NFIA: variants seen among roughly 807,000 people sequenced by gnomAD.
NFIA encodes nuclear factor I A, also known as nuclear factor 1 A-type.
Under a neutral mutation model 62.8 loss-of-function variants are expected in NFIA, and 8 were observed. The observed-to-expected ratio is 0.13, with a 90% CI of 0.07 to 0.23. NFIA has a LOEUF of 0.23. Ranked by LOEUF, NFIA falls within the 10% of genes least tolerant of loss-of-function variation. The probability of loss-of-function intolerance (pLI) is 1.00; values close to 1 mark genes in which losing one functional copy is unlikely to be tolerated. For missense variants in NFIA, 410 were observed against 642.1 expected, an observed-to-expected ratio of 0.64 and a Z score of 3.91; for synonymous variants, 235 against 238.1, an observed-to-expected ratio of 0.99 and a Z score of 0.12.
intron 2 of NFIA, among the ~76,000 whole-genome samples, chr1:61,178,061 A>G (rs575159940): frequency 1.3e-5 from 2 of 152,236 alleles, no homozygotes; most frequent in South Asian, 4.1e-4. Context: ...ACTTTTGCCC[A>G]CTTCCCCTAG....
At chr1:61,372,911 G>A (rs1230974134) in intron 6 of NFIA, among the ~76,000 whole-genome samples, 1 of 152,108 alleles carries the variant, frequency 6.6e-6, no homozygotes, top group African/African-American at 2.4e-5. Flanking sequence ...GAAGTTTTCT[G>A]CATTAAATAA....
At chr1:61,255,485 C>T (rs959366085) in intron 2 of NFIA, among the ~76,000 whole-genome samples, 12 of 152,012 alleles carry the variant, frequency 7.9e-5, no homozygotes, top group South Asian at 6.2e-4. Context: ...GGCATAAGTC[C>T]GAATTTAGAA....
At chr1:61,431,048 T>C (rs1667079161) in intron 10 of NFIA, among the ~76,000 whole-genome samples, 1 of 152,112 alleles carries the variant, frequency 6.6e-6, no homozygotes, top group Non-Finnish European at 1.5e-5. Flanking sequence ...CTCTGGGGCA[T>C]ACAGTATTTA....
chr1:61,165,338 T>C (rs1164333700), intron 2 of NFIA, among the ~76,000 whole-genome samples: 2 of 152,090 alleles, frequency 1.3e-5, no homozygotes, highest in Admixed American at 1.3e-4. Flanking sequence ...ATCTGTATAC[T>C]TAACTCAGAC....
intron 2 of NFIA, among the ~76,000 whole-genome samples, chr1:61,230,714 C>T (rs1654622127): frequency 6.6e-6 from 1 of 152,166 alleles, no homozygotes; most frequent in South Asian, 2.1e-4. Context: ...CTCTCCTCAC[C>T]CGCATCCCGT....
intron 3 of NFIA, among the ~76,000 whole-genome samples, chr1:61,282,174 G>A (rs1035098482): frequency 6.6e-6 from 1 of 151,454 alleles, no homozygotes; most frequent in Non-Finnish European, 1.5e-5. Context: ...CTTCCTGCCC[G>A]CCCCCACCCC....
chr1:61,082,108 C>T (rs1646104873), upstream of NFIA: 8 of 1,421,838 alleles, frequency 5.6e-6, no homozygotes, highest in Non-Finnish European at 5.7e-6. Context: ...GTTTTGTTTG[C>T]TTAAGCACAT....
intron 3 of NFIA, among the ~76,000 whole-genome samples, chr1:61,283,581 C>CAAAAAAAAAAAAAAAAAAAAA (rs576613886): frequency 3.0e-4 from 11 of 36,694 alleles, no homozygotes; most frequent in East Asian, 1.8e-3. Context: ...GACTCTGTCT[C>CAAAAAAAAAAAAAAAAAAAAA]AAAAAAAAAA....
At position 61,210,269 on chromosome 1, in the gene NFIA, A is replaced by C. The variant is rs138392814; in HGVS notation, c.560-67251A>C. Reference sequence around the variant, plus strand: ...GTTGGTAAGCTCAAAAGAAATCTTCACATTGCCCCTGTGATAGGTAGCAAA... The same window carrying C: ...GTTGGTAAGCTCAAAAGAAATCTTCCCATTGCCCCTGTGATAGGTAGCAAA... On this transcript the variant is annotated intron_variant, in intron 2 of 10. Transcript: ENST00000403491. 3.3e-5 allele frequency among the ~76,000 whole-genome samples: 5 copies of C among 152,372 alleles called. No homozygotes were observed. In the East Asian group the frequency reaches 9.6e-4, roughly 29 times the overall value.
chr1:61,106,100 C>CATCCATCTATCT (rs374045804), intron 2 of NFIA, among the ~76,000 whole-genome samples: 2 of 149,046 alleles, frequency 1.3e-5, no homozygotes, highest in African/African-American at 2.5e-5. Context: ...CTCTCTCATG[C>CATCCATCTATCT]ATCTATCTAT....
rs910042943 is a variant in NFIA, at chr1:61,457,456, T to A, written c.*2136T>A. ...GATAGGAGTAGTCTTTATTGTCCTG[T>A]ACGGTCGGTGGCAGTGCTATTCTGA... On this transcript the variant is annotated 3_prime_UTR_variant, in exon 11 of 11. Coordinates refer to ENST00000403491, the MANE Select transcript of NFIA (RefSeq NM_001134673.4). This position sits in a 1 kb window ranked among gnomAD's most constrained non-coding sequence, Gnocchi z 4.2. 1 of 152,190 alleles carries A rather than the reference T, an allele frequency of 6.6e-6. No individual in the cohort carries two copies. The highest frequency in any genetic ancestry group is 1.9e-4 in the East Asian group (1 of 5,196). 9.4% of individuals were successfully genotyped at this position (152,190 alleles called of 1,614,324 possible). A position where few individuals can be genotyped will look rare whatever the true frequency, so the allele number is the denominator to read the frequency against.
At chr1:61,375,277 G>C (rs58054723) in intron 6 of NFIA, among the ~76,000 whole-genome samples, 12,252 of 152,176 alleles carry the variant, frequency 0.081, 565 homozygotes, top group Middle Eastern at 0.13. Flanking sequence ...CAGCATTCAT[G>C]CTGGGCTTGA....
chr1:61,350,127 A>T (rs41350144), intron 4 of NFIA, among the ~76,000 whole-genome samples: 64,982 of 152,022 alleles, frequency 0.43, 15,171 homozygotes, highest in East Asian at 0.66. Context: ...TAGCATTCCC[A>T]TACTTTGCTG....
At chr1:61,284,653 G>A (rs1361472131) in intron 3 of NFIA, among the ~76,000 whole-genome samples, 1 of 152,156 alleles carries the variant, frequency 6.6e-6, no homozygotes, top group Non-Finnish European at 1.5e-5. Flanking sequence ...TTCACACAGA[G>A]AATAACTAGC....
At chr1:61,119,412 C>A (rs1171779000) in intron 2 of NFIA, among the ~76,000 whole-genome samples, 1 of 152,082 alleles carries the variant, frequency 6.6e-6, no homozygotes, top group Admixed American at 6.5e-5. Flanking sequence ...TAAACTTGAA[C>A]GTAAAATTGT....
rs893028108 is a variant in NFIA at position 61,460,877 on chromosome 1, T to G, written c.*5557T>G. On this transcript the variant is annotated 3_prime_UTR_variant, in exon 11 of 11. Coordinates refer to ENST00000403491, the MANE Select transcript of NFIA (RefSeq NM_001134673.4). Reference sequence around the variant, plus strand: ...AGTTATGTTAGTCTTTTTTTCCGACTTGGTTCTTGTCAGCTAGGTTTAAAG... The same window carrying G: ...AGTTATGTTAGTCTTTTTTTCCGACGTGGTTCTTGTCAGCTAGGTTTAAAG... 1 of 152,216 alleles carries G rather than the reference T, an allele frequency of 6.6e-6. No homozygotes were observed. The highest frequency in any genetic ancestry group is 2.4e-5 in the African/African-American group (1 of 41,456). 9.4% of individuals were successfully genotyped at this position (152,216 alleles called of 1,614,324 possible). A position where few individuals can be genotyped will look rare whatever the true frequency, so the allele number is the denominator to read the frequency against.
intron 3 of NFIA, among the ~76,000 whole-genome samples, chr1:61,318,744 T>C (rs1490042581): frequency 5.3e-5 from 8 of 152,288 alleles, no homozygotes; most frequent in Non-Finnish European, 1.2e-4. Flanking sequence ...AGATGACCCA[T>C]GTCTGATTTG....
intron 7 of NFIA, among the ~76,000 whole-genome samples, chr1:61,383,710 G>A (rs940892673): frequency 5.9e-5 from 9 of 152,202 alleles, no homozygotes; most frequent in African/African-American, 1.4e-4. Flanking sequence ...GTGTGTGTGC[G>A]CACATGCGCG....
chr1:61,112,260 C>A (rs1352967610), intron 2 of NFIA, among the ~76,000 whole-genome samples: 1 of 151,872 alleles, frequency 6.6e-6, no homozygotes, highest in Non-Finnish European at 1.5e-5. Flanking sequence ...TTTTTAGAAT[C>A]CTTCATTTTT....
Sources: gnomAD v4.1 joint callset for allele counts (sites outside exome capture counted in the v4.1 genomes callset) on GRCh38, gnomAD v4.1.1 for gene constraint, Gnocchi (gnomAD v3.1) non-coding constraint, MANE v1.5 for transcripts, NCBI Gene and HGNC (gene_info 2026-07-23, HGNC 2026-07-21) for gene names.